Variants in TCF4 observed in about 807,000 individuals in gnomAD.
TCF4 encodes the protein transcription factor 4, also known as SL3-3 enhancer factor 2.
A neutral mutation model predicts 82.1 loss-of-function variants in TCF4; 3 were observed. The observed-to-expected ratio is 0.04, with a 90% CI of 0.02 to 0.09. TCF4 has a LOEUF of 0.09. Ranked by LOEUF, TCF4 falls within the 10% of genes least tolerant of loss-of-function variation. The probability of loss-of-function intolerance (pLI) is 1.00; values close to 1 mark genes in which losing one functional copy is unlikely to be tolerated. For missense variants in TCF4, 518 were observed against 852.7 expected, an observed-to-expected ratio of 0.61 and a Z score of 4.89; for synonymous variants, 276 against 309.6, an observed-to-expected ratio of 0.89 and a Z score of 1.14.
At chr18:55,485,966 G>C (rs1347582611) in intron 3 of TCF4, among the ~76,000 whole-genome samples, 1 of 152,264 alleles carries the variant, frequency 6.6e-6, no homozygotes, top group Non-Finnish European at 1.5e-5. Flanking sequence ...TAATACTGAA[G>C]TTTTACGGTA....
At chr18:55,588,431 C>T (rs1362058526), upstream of TCF4, 10 of 1,535,094 alleles carry the variant, frequency 6.5e-6, no homozygotes, top group Non-Finnish European at 7.0e-6. Context: ...ACACCTCCCC[C>T]GCCTCGCCAA....
chr18:55,357,597 T>C (rs2083890988), intron 6 of TCF4, among the ~76,000 whole-genome samples: 1 of 152,220 alleles, frequency 6.6e-6, no homozygotes, highest in Admixed American at 6.5e-5. Context: ...CTGAAAAATA[T>C]ATTTGGCCAG....
chr18:55,520,822 T>C (rs2096926829), intron 3 of TCF4, among the ~76,000 whole-genome samples: 2 of 152,222 alleles, frequency 1.3e-5, no homozygotes. Context: ...CACAGTTTTA[T>C]TCCTATTACC....
chr18:55,387,693 C>T (rs2092714171), intron 6 of TCF4, among the ~76,000 whole-genome samples: 1 of 152,180 alleles, frequency 6.6e-6, no homozygotes, highest in Non-Finnish European at 1.5e-5. Context: ...TCCAGTGTTA[C>T]AGTGACATTT....
intron 8 of TCF4, chr18:55,302,308 G>T: frequency 2.0e-6 from 2 of 1,017,068 alleles, no homozygotes; most frequent in Non-Finnish European, 2.9e-6. Flanking sequence ...GACAGAAGTA[G>T]TGCAAAGCAA....
At chr18:55,588,541 G>A, upstream of TCF4, 2 of 1,530,334 alleles carry the variant, frequency 1.3e-6, no homozygotes, top group Non-Finnish European at 1.7e-6. Context: ...TGCATCCCTC[G>A]GAGGCACTTT....
intron 9 of TCF4, among the ~76,000 whole-genome samples, chr18:55,277,507 A>G (rs1362876606): frequency 6.6e-6 from 1 of 152,190 alleles, no homozygotes; most frequent in Non-Finnish European, 1.5e-5. Flanking sequence ...ATTAATATTT[A>G]TCACATCCCA....
chr18:55,494,699 C>T (rs2924335), intron 3 of TCF4, among the ~76,000 whole-genome samples: 34,561 of 151,886 alleles, frequency 0.23, 4,344 homozygotes, highest in Non-Finnish European at 0.28. Flanking sequence ...TCACCTGCAA[C>T]ATTAAAACAA....
At position 55,394,362 on chromosome 18, in the gene TCF4, T is replaced by C. The variant is rs147130778; in HGVS notation, c.369+9092A>G. ...TTATTCCGAAGCACGGAATTGTTAT[T>C]GTCGCAAATGCATATAAACATGGCT... On this transcript the variant is annotated intron_variant, in intron 6 of 19. Coordinates refer to ENST00000354452, the MANE Select transcript of TCF4 (RefSeq NM_001083962.2). Among the ~76,000 whole-genome samples the C allele has an allele frequency of 2.2e-3, 330 of 152,230 alleles. 1 individual carries two copies. Among genetic ancestry groups the C allele is most frequent in the African/African-American group, 7.0e-3 (292 of 41,538 alleles).
In TCF4 at chr18:55,224,567, C is replaced by G. The variant is rs1418982968; in HGVS notation, c.*3468G>C. 6.6e-6 allele frequency: 1 copy of G among 152,428 alleles called. No individual in the cohort carries two copies. Among genetic ancestry groups the G allele is most frequent in the Non-Finnish European group, 1.5e-5 (1 of 68,000 alleles). 9.4% of individuals were successfully genotyped at this position (152,428 alleles called of 1,614,324 possible). ...CTGTTGGATGCAAAAGATGAAAATC[C>G]TCTTAACTCCAAGTCTTGGTTCGAC... is the stretch of plus-strand genomic sequence containing the variant. On this transcript the variant is annotated 3_prime_UTR_variant, in exon 20 of 20. Transcript: ENST00000354452.
At chr18:55,366,718 G>A (rs1157845833) in intron 6 of TCF4, among the ~76,000 whole-genome samples, 2 of 152,328 alleles carry the variant, frequency 1.3e-5, no homozygotes, top group East Asian at 1.9e-4. Flanking sequence ...AGCACAGCCA[G>A]TTTGTCCAAA....
chr18:55,529,993 C>T lies in TCF4; in HGVS notation c.145+55287G>A, dbSNP rs569218167. Among the ~76,000 whole-genome samples, 27 of 152,192 alleles carry T rather than the reference C, an allele frequency of 1.8e-4. No individual in the cohort carries two copies. The South Asian group carries it at 5.4e-3, about 30-fold the overall frequency. ...AGAGACTGCTGTTTCTGAGATAATA[C>T]GTTAATTTCTGAAGAACAAAAGGTT... On this transcript the variant is annotated intron_variant, in intron 3 of 19. Transcript: ENST00000354452.
intron 12 of TCF4, among the ~76,000 whole-genome samples, chr18:55,260,285 C>G (rs567995456): frequency 1.3e-5 from 2 of 152,144 alleles, no homozygotes; most frequent in Non-Finnish European, 1.5e-5. Flanking sequence ...ACCAACTCTT[C>G]GTTCCTACTG....
chr18:55,452,392 G>A (rs2095642046), intron 5 of TCF4: 1 of 152,304 alleles, frequency 6.6e-6, no homozygotes, highest in Non-Finnish European at 1.5e-5. Context: ...CTGTTTCATG[G>A]TGACATGGCA....
chr18:55,588,156 CCCGCCGCCGCCG>C lies in TCF4; in HGVS notation c.-151_-140del, dbSNP rs886053961. On this transcript the variant is annotated 5_prime_UTR_variant, in exon 1 of 20. Coordinates refer to ENST00000354452, the MANE Select transcript of TCF4 (RefSeq NM_001083962.2). ...CGCCCGCTCCCGCGCCTGCTGCCTC[CCCGCCGCCGCCG>C]CCGCCGCCGCCACTACAGATCCGCA... The C allele has an allele frequency of 7.3e-6, 8 of 1,092,950 alleles. No homozygotes were observed. The highest frequency in any genetic ancestry group is 5.4e-5 in the Admixed American group (1 of 18,490). The allele number at this position is 1,092,950 out of a possible 1,614,324, so 67.7% of individuals were successfully genotyped here.
chr18:55,376,253 T>C (rs572680211), intron 6 of TCF4, among the ~76,000 whole-genome samples: 1 of 152,220 alleles, frequency 6.6e-6, no homozygotes, highest in African/African-American at 2.4e-5. Context: ...CTTGAACTCT[T>C]GGGCTGAAGA....
At chr18:55,404,534 C>T (rs2093991080) in intron 5 of TCF4, 1 of 152,204 alleles carries the variant, frequency 6.6e-6, no homozygotes, top group Admixed American at 6.5e-5. Flanking sequence ...CATAGGACTA[C>T]AGTATTCCTT....
At chr18:55,250,120 T>G (rs1347048342) in intron 15 of TCF4, among the ~76,000 whole-genome samples, 1 of 152,214 alleles carries the variant, frequency 6.6e-6, no homozygotes, top group Admixed American at 6.5e-5. Flanking sequence ...CAGAGATTTC[T>G]GCTTTAATTT....
intron 3 of TCF4, among the ~76,000 whole-genome samples, chr18:55,511,883 T>G (rs984108847): frequency 8.5e-5 from 13 of 152,294 alleles, no homozygotes; most frequent in Non-Finnish European, 1.8e-4. Context: ...AAAACTGATT[T>G]GTGAAATACT....
Sources: gnomAD v4.1 joint callset for allele counts (sites outside exome capture counted in the v4.1 genomes callset) on GRCh38, gnomAD v4.1.1 for gene constraint, MANE v1.5 for transcripts, NCBI Gene and HGNC (gene_info 2026-07-23, HGNC 2026-07-21) for gene names.